The following NTRK3 variants were observed in gnomAD, a reference collection of about 807,000 sequenced individuals.
NTRK3 encodes the protein NT-3 growth factor receptor.
Under a neutral mutation model 91.7 loss-of-function variants are expected in NTRK3, and 24 were observed. The observed-to-expected ratio is 0.26, with a 90% CI of 0.19 to 0.37. NTRK3 has a LOEUF of 0.37. Ranked by LOEUF, NTRK3 falls within the 10% of genes least tolerant of loss-of-function variation. The pLI is 1.00. For missense variants in NTRK3, 880 were observed against 1,068.9 expected (o/e 0.82, Z 2.46); for synonymous variants, 483 against 404.0 (o/e 1.20, Z -2.34).
chr15:88,127,710 G>A (rs537572421), intron 11 of NTRK3, among the ~76,000 whole-genome samples: 2 of 152,144 alleles, frequency 1.3e-5, no homozygotes, highest in African/African-American at 2.4e-5. Context: ...TTACTCCTCA[G>A]TGAGATCCAG....
At chr15:88,239,004 G>A (rs1000679241) in intron 3 of NTRK3, among the ~76,000 whole-genome samples, 16 of 152,174 alleles carry the variant, frequency 1.1e-4, no homozygotes, top group Non-Finnish European at 1.8e-4. Context: ...GTGGCTGTGC[G>A]GATTAAATGA....
intron 17 of NTRK3, among the ~76,000 whole-genome samples, chr15:87,904,684 C>G (rs560186155): frequency 5.3e-5 from 8 of 152,312 alleles, no homozygotes; most frequent in East Asian, 3.9e-4. Context: ...GGAATTAAGA[C>G]ATATCTTGTA....
At chr15:87,922,944 C>T (rs1056065304) in intron 17 of NTRK3, among the ~76,000 whole-genome samples, 1 of 152,140 alleles carries the variant, frequency 6.6e-6, no homozygotes, top group South Asian at 2.1e-4. Context: ...ATCAAAGCAC[C>T]AAGATGGCAG....
chr15:88,201,219 G>A (rs569991582), intron 3 of NTRK3, among the ~76,000 whole-genome samples: 1 of 152,278 alleles, frequency 6.6e-6, no homozygotes, highest in South Asian at 2.1e-4. Context: ...TAGACTCTGG[G>A]GACCAGCCCA....
intron 14 of NTRK3, among the ~76,000 whole-genome samples, chr15:88,027,443 C>T (rs541846860): frequency 2.0e-5 from 3 of 152,158 alleles, no homozygotes; most frequent in Non-Finnish European, 2.9e-5. Flanking sequence ...AGTGCAGTGG[C>T]GCAACCTCGG....
exon 19 of NTRK3, chr15:87,873,748 A>G (rs1290116032): frequency 4.3e-6 from 1 of 231,708 alleles, no homozygotes. Context: ...CTTTTCTGGT[A>G]TGTAGGAATG....
chr15:87,928,935 A>G (rs2068557296), intron 17 of NTRK3: 3 of 603,842 alleles, frequency 5.0e-6, no homozygotes, highest in Non-Finnish European at 8.8e-6. Context: ...TAAGAACACA[A>G]TGCATATGTT....
chr15:88,239,072 A>T (rs1220673864), intron 3 of NTRK3, among the ~76,000 whole-genome samples: 1 of 152,228 alleles, frequency 6.6e-6, no homozygotes. Context: ...AGCTGCTAGC[A>T]CTATGAGCTC....
At chr15:88,014,826 A>AT (rs1284316456) in intron 14 of NTRK3, among the ~76,000 whole-genome samples, 1 of 152,140 alleles carries the variant, frequency 6.6e-6, no homozygotes. Context: ...TTTCTTTTTT[A>AT]TTTTTCCAAA....
chr15:88,204,195 ACT>A (rs200763189), intron 3 of NTRK3, among the ~76,000 whole-genome samples: 2,246 of 152,164 alleles, frequency 0.015, 33 homozygotes, highest in South Asian at 0.023. Flanking sequence ...CCAGATACAA[ACT>A]CTCTCCTCCA....
At chr15:87,979,186 C>G in intron 14 of NTRK3, 1 of 689,562 alleles carries the variant, frequency 1.5e-6, no homozygotes, top group Non-Finnish European at 2.6e-6. Flanking sequence ...GGGGAAAACA[C>G]CCATCTGGTG....
intron 3 of NTRK3, among the ~76,000 whole-genome samples, chr15:88,192,758 A>T (rs952310977): frequency 6.6e-6 from 1 of 151,708 alleles, no homozygotes; most frequent in Non-Finnish European, 1.5e-5. Flanking sequence ...CTTATTCCCA[A>T]CTGGACCTCC....
intron 14 of NTRK3, among the ~76,000 whole-genome samples, chr15:87,941,947 A>C (rs2069906579): frequency 6.6e-6 from 1 of 152,252 alleles, no homozygotes; most frequent in Non-Finnish European, 1.5e-5. Flanking sequence ...TTGCTGAGCC[A>C]AAAAGTGGAT....
intron 17 of NTRK3, among the ~76,000 whole-genome samples, 154 bp from the exon 18 acceptor site, chr15:87,885,889 T>C (rs1222605515): frequency 6.6e-6 from 1 of 151,972 alleles, no homozygotes; most frequent in East Asian, 1.9e-4. Flanking sequence ...AATTAAATTC[T>C]TTTGCATGGC....
Position 87,861,371 on chromosome 15 carries a change from G to T in NTRK3, c.*15564C>A, listed in dbSNP as rs1596024631. 1.9e-5 allele frequency: 4 copies of T among 212,534 alleles called. No homozygotes were observed. In the East Asian group the frequency reaches 2.8e-4, roughly 15 times the overall value. 13.2% of individuals were successfully genotyped at this position (212,534 alleles called of 1,614,324 possible). On this transcript the variant is annotated 3_prime_UTR_variant, in exon 19 of 19. Transcript: ENST00000394480. ...ATTGAAAGTTTGCTGCACAACATCA[G>T]CCTAGAGATAAAGGGACATGTAATG...
chr15:88,016,011 T>C lies in NTRK3; in HGVS notation c.1585+16846A>G, dbSNP rs75819455. On this transcript the variant is annotated intron_variant, in intron 14 of 18. Coordinates refer to ENST00000394480, the Ensembl canonical transcript of NTRK3. ...TTATGAAACCGTATGCAGAATATGATCTCATTTGTGTGTGCTATACATGTC... is the reference window on the plus strand; with the variant it reads ...TTATGAAACCGTATGCAGAATATGACCTCATTTGTGTGTGCTATACATGTC... Among the ~76,000 whole-genome samples the C allele has an allele frequency of 3.8e-3, 580 of 151,736 alleles. 6 individuals carry two copies. The highest frequency in any genetic ancestry group is 0.013 in the African/African-American group (554 of 41,342).
chr15:88,202,500 C>T (rs374641125), intron 3 of NTRK3, among the ~76,000 whole-genome samples: 31 of 152,310 alleles, frequency 2.0e-4, no homozygotes, highest in African/African-American at 7.0e-4. Context: ...AAAGCTGTCC[C>T]GTGCTCAGCT....
At chr15:87,893,610 A>C (rs2065956026) in intron 17 of NTRK3, among the ~76,000 whole-genome samples, 1 of 152,246 alleles carries the variant, frequency 6.6e-6, no homozygotes. Flanking sequence ...CTTTGGGTTA[A>C]ATAGAAACTC....
intron 15 of NTRK3, among the ~76,000 whole-genome samples, chr15:87,935,299 CA>C (rs980264895): frequency 6.6e-6 from 1 of 152,154 alleles, no homozygotes; most frequent in Non-Finnish European, 1.5e-5. Flanking sequence ...AGGGCAAGGA[CA>C]TGTGATCAGC....
Sources: gnomAD v4.1 joint callset for allele counts (sites outside exome capture counted in the v4.1 genomes callset) on GRCh38, gnomAD v4.1.1 for gene constraint, MANE v1.5 for transcripts, NCBI Gene and HGNC (gene_info 2026-07-23, HGNC 2026-07-21) for gene names.